The following ARID4A variants were observed in gnomAD, a reference collection of about 807,000 sequenced individuals.
ARID4A encodes the protein AT-rich interactive domain-containing protein 4A.
In ARID4A, 39 loss-of-function variants were observed where a neutral mutation model predicts 148.6. The observed-to-expected ratio is 0.26, with a 90% CI of 0.20 to 0.34. The LOEUF (loss-of-function observed/expected upper bound fraction) is 0.34. ARID4A is among the 10% of genes least tolerant of loss of function. ARID4A has a pLI of 1.00. For synonymous variants in ARID4A, 475 were observed against 481.2 expected (o/e 0.99, Z 0.17); for missense variants, 1,265 against 1,449.1 (o/e 0.87, Z 2.06).
At chr14:58,346,975 A>G (rs776383596) in intron 13 of ARID4A, 45 bp from the exon 14 acceptor site, 2 of 296,156 alleles carry the variant, frequency 6.8e-6, no homozygotes. Context: ...AAAAAAAAAG[A>G]TTAATTCCCT....
In ARID4A at chr14:58,366,166, A is replaced by G. The variant is rs926844132; in HGVS notation, c.3459A>G (p.Lys1153=). 1 of 1,613,994 alleles carries G rather than the reference A, an allele frequency of 6.2e-7. No individual in the cohort carries two copies. The change falls in exon 22 of 24, where the codon AAA becomes AAG. Residue 1153 remains lysine (K), a synonymous_variant. Coordinates refer to ENST00000355431, the MANE Select transcript of ARID4A (RefSeq NM_002892.4). ...RISPHIKDGE[K]DKHREKHPNS... ...CCCCGCACATCAAAGATGGAGAGAA[A>G]GATAAACACAGAGAAAAACATCCGA... is the stretch of plus-strand genomic sequence containing the variant.
chr14:58,303,409 C>G, intron 3 of ARID4A: 1 of 410,374 alleles, frequency 2.4e-6, no homozygotes, highest in South Asian at 1.8e-5. Context: ...GATACGACTC[C>G]AAAGAGATTT....
intron 5 of ARID4A, among the ~76,000 whole-genome samples, chr14:58,315,024 C>T (rs1023778088): frequency 3.3e-5 from 5 of 152,032 alleles, no homozygotes; most frequent in Non-Finnish European, 1.5e-5. Context: ...GAGGCTGAGG[C>T]ACGAGAATCA....
intron 11 of ARID4A, chr14:58,331,159 A>G (rs1241682082): frequency 6.6e-6 from 1 of 152,100 alleles, no homozygotes; most frequent in Non-Finnish European, 1.5e-5. Context: ...GTTTTTTTAC[A>G]CTCTGAAATC....
intron 5 of ARID4A, among the ~76,000 whole-genome samples, chr14:58,306,818 G>A (rs2031640934): frequency 6.6e-6 from 1 of 152,198 alleles, no homozygotes; most frequent in African/African-American, 2.4e-5. Context: ...GGCGGAGGTT[G>A]CAATGAGCCC....
chr14:58,344,057 A>G (rs2034240368), intron 11 of ARID4A, among the ~76,000 whole-genome samples: 1 of 152,156 alleles, frequency 6.6e-6, no homozygotes, highest in Non-Finnish European at 1.5e-5. Flanking sequence ...AGGTGTTGCA[A>G]AGTCAAGTAC....
At chr14:58,365,467 C>CTTTTT (rs71107938) in intron 20 of ARID4A, 51 bp from the exon 21 acceptor site, 325 of 351,446 alleles carry the variant, frequency 9.2e-4, no homozygotes, top group South Asian at 2.9e-3. Context: ...TATACTTGCT[C>CTTTTT]TTTTTTTTTT....
intron 11 of ARID4A, among the ~76,000 whole-genome samples, chr14:58,343,977 A>T (rs920858306): frequency 6.6e-6 from 1 of 152,148 alleles, no homozygotes; most frequent in Non-Finnish European, 1.5e-5. Flanking sequence ...AAAGAAGCTA[A>T]ATCAGTAATT....
At chr14:58,307,261 A>G (rs1594866886) in intron 5 of ARID4A, among the ~76,000 whole-genome samples, 1 of 152,182 alleles carries the variant, frequency 6.6e-6, no homozygotes, top group South Asian at 2.1e-4. Context: ...CTTTTAGTTT[A>G]CTTGATTTGT....
intron 2 of ARID4A, 106 bp downstream of exon 2, chr14:58,299,966 T>G: frequency 6.7e-7 from 1 of 1,498,304 alleles, no homozygotes; most frequent in Admixed American, 1.7e-5. Context: ...TTGATGTTCC[T>G]ACTGATCAGC....
In ARID4A at chr14:58,356,641, A is replaced by T. The variant is rs182680735; in HGVS notation, c.1854-2491A>T. ...GTGGTTCAACTTCAATTTTTTTTTT[A>T]AATTTAAAATGGTTCAAAAGCTATA... On this transcript the variant is annotated intron_variant, in intron 17 of 23. Coordinates refer to ENST00000355431, the MANE Select transcript of ARID4A (RefSeq NM_002892.4). Among the ~76,000 whole-genome samples the T allele has an allele frequency of 2.6e-3, 394 of 151,892 alleles. 8 individuals carry two copies. The East Asian group carries it at 0.049, about 19-fold the overall frequency.
chr14:58,301,629 A>G lies in ARID4A; in HGVS notation c.56A>G (p.Lys19Arg). 1 of 1,614,140 alleles carries G rather than the reference A, an allele frequency of 6.2e-7. No individual in the cohort carries two copies. The highest frequency in any genetic ancestry group is 8.5e-7 in the Non-Finnish European group (1 of 1,180,000). Residue 19 changes from lysine (K) to arginine (R), a missense_variant, in exon 3 of 24, where the codon AAG becomes AGG. By Grantham distance (26) the Lys-to-Arg change is conservative. Transcript: ENST00000355431. ...ACAGTGGGAACCGATGTCAGTGCCA[A>G]GTACCGAGGTGCCTTCTGTGAGGCA... ...YLTVGTDVSA[K>R]YRGAFCEAKI...
chr14:58,322,645 C>T (rs772964809), intron 7 of ARID4A, among the ~76,000 whole-genome samples: 8 of 151,886 alleles, frequency 5.3e-5, no homozygotes, highest in Non-Finnish European at 1.2e-4. Flanking sequence ...CCAACATTAT[C>T]AATATATTGC....
At chr14:58,327,712 C>T (rs969765470) in intron 8 of ARID4A, among the ~76,000 whole-genome samples, 1 of 152,092 alleles carries the variant, frequency 6.6e-6, no homozygotes, top group Non-Finnish European at 1.5e-5. Context: ...CATTCTGTCA[C>T]CCAGGCTGGA....
At chr14:58,306,273 C>G (rs963614562) in intron 5 of ARID4A, among the ~76,000 whole-genome samples, 161 bp downstream of exon 5, 1 of 152,138 alleles carries the variant, frequency 6.6e-6, no homozygotes, top group Non-Finnish European at 1.5e-5. Flanking sequence ...CTGTAGGTAA[C>G]AAAAATAATT....
chr14:58,302,459 A>T (rs1358701842), intron 3 of ARID4A, among the ~76,000 whole-genome samples: 2 of 152,022 alleles, frequency 1.3e-5, no homozygotes, highest in African/African-American at 4.8e-5. Flanking sequence ...ATGCCGTTGC[A>T]CTCCAGCCTG....
At chr14:58,311,060 A>G (rs1409926009) in intron 5 of ARID4A, among the ~76,000 whole-genome samples, 1 of 152,184 alleles carries the variant, frequency 6.6e-6, no homozygotes, top group African/African-American at 2.4e-5. Flanking sequence ...AGCCTGGCCA[A>G]CATGGTGAAA....
intron 17 of ARID4A, among the ~76,000 whole-genome samples, chr14:58,354,751 T>G (rs1319583520): frequency 6.6e-6 from 1 of 151,744 alleles, no homozygotes; most frequent in African/African-American, 2.4e-5. Flanking sequence ...GAAGTTGGGG[T>G]AATTATAGTT....
intron 1 of ARID4A, among the ~76,000 whole-genome samples, chr14:58,299,177 T>G (rs1183008278): frequency 6.6e-6 from 1 of 150,878 alleles, no homozygotes; most frequent in Non-Finnish European, 1.5e-5. Flanking sequence ...CCGGGCCACC[T>G]CCCCTCCTCC....
Sources: gnomAD v4.1 joint callset for allele counts (sites outside exome capture counted in the v4.1 genomes callset) on GRCh38, gnomAD v4.1.1 for gene constraint, MANE v1.5 for transcripts, NCBI Gene and HGNC (gene_info 2026-07-23, HGNC 2026-07-21) for gene names.